DEFB123: variants seen among roughly 807,000 people sequenced by gnomAD.
DEFB123 encodes beta-defensin 123.
For synonymous variants in DEFB123, 22 were observed against 28.3 expected, an observed-to-expected ratio of 0.78 and a Z score of 0.71; for missense variants, 71 against 75.0, an observed-to-expected ratio of 0.95 and a Z score of 0.20.
chr20:31,441,528 C>T (rs986789000), intron 1 of DEFB123, among the ~76,000 whole-genome samples: 2 of 151,994 alleles, frequency 1.3e-5, no homozygotes, highest in Non-Finnish European at 2.9e-5. Flanking sequence ...GCTGAGGAAG[C>T]ATTCAAGCTC....
chr20:31,447,553 C>G (rs1406165029), intron 1 of DEFB123, among the ~76,000 whole-genome samples: 2 of 151,256 alleles, frequency 1.3e-5, no homozygotes, highest in African/African-American at 4.8e-5. Context: ...CCTTTTATTA[C>G]TTTAAAGATC....
At chr20:31,442,762 C>A (rs1276284058) in intron 1 of DEFB123, among the ~76,000 whole-genome samples, 2 of 152,126 alleles carry the variant, frequency 1.3e-5, no homozygotes, top group East Asian at 3.9e-4. Context: ...GCGCCTGCAA[C>A]CACGCCTGGC....
intron 1 of DEFB123, among the ~76,000 whole-genome samples, chr20:31,447,980 G>A (rs1979632794): frequency 6.6e-6 from 1 of 151,886 alleles, no homozygotes; most frequent in African/African-American, 2.4e-5. Context: ...TAGAGACGGG[G>A]TTTCACTGTG....
Position 31,440,742 on chromosome 20 carries a change from C to A in DEFB123, c.44C>A (p.Ser15Tyr), listed in dbSNP as rs778210488. The change falls in exon 1 of 2, where the codon TCC (serine) becomes TAC (tyrosine). Residue 15 changes from serine to tyrosine, a missense_variant. Ser to Tyr is a moderately radical substitution (Grantham distance 144). Coordinates refer to ENST00000376309, the MANE Select transcript of DEFB123 (RefSeq NM_153324.4). ...LLTLTVLLLL[S>Y]QLTPGGTQRC... ...ACTTTGACTGTGCTGCTGCTCTTAT[C>A]CCAGCTGACTCCAGGTAACCTGAAC... 8.1e-6 allele frequency: 13 copies of A among 1,613,498 alleles called. No individual in the cohort carries two copies. Among genetic ancestry groups the A allele is most frequent in the Non-Finnish European group, 1.1e-5 (13 of 1,180,040 alleles).
intron 1 of DEFB123, among the ~76,000 whole-genome samples, chr20:31,445,960 G>A (rs548790290): frequency 2.0e-5 from 3 of 152,238 alleles, no homozygotes; most frequent in Non-Finnish European, 4.4e-5. Flanking sequence ...GCTAGGTGGA[G>A]CTTCTTTAAT....
At chr20:31,443,660 C>T (rs999583677) in intron 1 of DEFB123, among the ~76,000 whole-genome samples, 8 of 152,184 alleles carry the variant, frequency 5.3e-5, no homozygotes, top group African/African-American at 1.9e-4. Context: ...AGGAGACACA[C>T]GAAAGGCCTT....
intron 1 of DEFB123, among the ~76,000 whole-genome samples, chr20:31,443,360 T>C (rs1979511827): frequency 6.6e-6 from 1 of 152,164 alleles, no homozygotes; most frequent in African/African-American, 2.4e-5. Flanking sequence ...GGGTCTATTT[T>C]ATTCAACAGA....
chr20:31,448,878 A>ATTTTTTTTTTT (rs34804733), intron 1 of DEFB123, among the ~76,000 whole-genome samples: 5 of 119,980 alleles, frequency 4.2e-5, no homozygotes, highest in South Asian at 2.7e-4. Flanking sequence ...CGCCCAGCTA[A>ATTTTTTTTTTT]TTTTTTTTTT....
At chr20:31,440,777 G>T in intron 1 of DEFB123, 21 bp downstream of exon 1, 1 of 1,612,526 alleles carries the variant, frequency 6.2e-7, no homozygotes, top group South Asian at 1.1e-5. Context: ...CCTCCTTAAG[G>T]AAGGGGCAGG....
At chr20:31,448,193 G>A (rs1979640926) in intron 1 of DEFB123, among the ~76,000 whole-genome samples, 1 of 152,104 alleles carries the variant, frequency 6.6e-6, no homozygotes, top group South Asian at 2.1e-4. Context: ...GGGATTTCAA[G>A]TGTGAGCCAC....
At chr20:31,443,757 T>G (rs1263195621) in intron 1 of DEFB123, among the ~76,000 whole-genome samples, 2 of 152,236 alleles carry the variant, frequency 1.3e-5, no homozygotes, top group African/African-American at 4.8e-5. Flanking sequence ...CTGCTGCTGC[T>G]GCGGGAGCTG....
chr20:31,448,561 A>G (rs1244279386), intron 1 of DEFB123, among the ~76,000 whole-genome samples: 1 of 151,546 alleles, frequency 6.6e-6, no homozygotes, highest in African/African-American at 2.4e-5. Flanking sequence ...TTTTCTCTCC[A>G]TGTTTCACTT....
At chr20:31,448,931 T>C (rs1369088211) in intron 1 of DEFB123, among the ~76,000 whole-genome samples, 1 of 150,938 alleles carries the variant, frequency 6.6e-6, no homozygotes, top group Non-Finnish European at 1.5e-5. Flanking sequence ...TTTCTCCACG[T>C]TGGTCAGGCT....
intron 1 of DEFB123, among the ~76,000 whole-genome samples, chr20:31,441,664 G>A (rs937533474): frequency 3.9e-5 from 6 of 152,082 alleles, no homozygotes; most frequent in African/African-American, 1.4e-4. Context: ...CTGCTCATCT[G>A]GCAGAAGTTT....
chr20:31,441,378 A>G (rs1037797720), intron 1 of DEFB123, among the ~76,000 whole-genome samples: 1 of 152,132 alleles, frequency 6.6e-6, no homozygotes, highest in Non-Finnish European at 1.5e-5. Context: ...CGAAAATAGA[A>G]AAGGAAGGAG....
intron 1 of DEFB123, among the ~76,000 whole-genome samples, chr20:31,441,090 C>A (rs77506508): frequency 6.6e-6 from 1 of 152,102 alleles, no homozygotes; most frequent in African/African-American, 2.4e-5. Flanking sequence ...CCAGAATGAA[C>A]GAAGCTTTGT....
chr20:31,448,566 T>G (rs1979651052), intron 1 of DEFB123, among the ~76,000 whole-genome samples: 1 of 152,162 alleles, frequency 6.6e-6, no homozygotes, highest in Non-Finnish European at 1.5e-5. Flanking sequence ...TCTCCATGTT[T>G]CACTTTGGAT....
At chr20:31,446,632 C>T (rs1260664361) in intron 1 of DEFB123, among the ~76,000 whole-genome samples, 1 of 152,244 alleles carries the variant, frequency 6.6e-6, no homozygotes, top group Non-Finnish European at 1.5e-5. Flanking sequence ...GCAGTTCCTG[C>T]ACCAGGTCTT....
intron 1 of DEFB123, among the ~76,000 whole-genome samples, chr20:31,442,584 G>GAAGGTCATT: frequency 6.7e-6 from 1 of 149,756 alleles, no homozygotes; most frequent in South Asian, 2.1e-4. Flanking sequence ...AGGGGAAGGG[G>GAAGGTCATT]AAGGTCATTT....
Sources: gnomAD v4.1 joint callset for allele counts (sites outside exome capture counted in the v4.1 genomes callset) on GRCh38, gnomAD v4.1.1 for gene constraint, MANE v1.5 for transcripts, NCBI Gene and HGNC (gene_info 2026-07-23, HGNC 2026-07-21) for gene names.